The following OR2L13 variants were observed in gnomAD, a reference collection of about 807,000 sequenced individuals.
The protein encoded by OR2L13 is olfactory receptor 2L13.
OR2L13 carries 14 observed loss-of-function variants against 15.3 expected under a neutral mutation model. The observed-to-expected ratio is 0.91, with a 90% CI of 0.60 to 1.43. The LOEUF is 1.43. Ranked by LOEUF, OR2L13 falls within the 40% of genes most tolerant of loss-of-function variation. The probability of loss-of-function intolerance (pLI) is 0.00; values close to 1 mark genes in which losing one functional copy is unlikely to be tolerated. For synonymous variants in OR2L13, 152 were observed against 142.9 expected (o/e 1.06, Z -0.45); for missense variants, 367 against 387.9 (o/e 0.95, Z 0.45).
chr1:247,994,662 A>T, the OR2L13 span, among the ~76,000 whole-genome samples: 1 of 152,172 alleles, frequency 6.6e-6, no homozygotes, highest in Admixed American at 6.5e-5. Flanking sequence ...GTTATGTAGG[A>T]TGAGTAAGTC....
At chr1:248,025,330 C>G in the OR2L13 span, among the ~76,000 whole-genome samples, 2 of 146,942 alleles carry the variant, frequency 1.4e-5, no homozygotes, top group Admixed American at 1.3e-4. Flanking sequence ...TTTATGCAGC[C>G]AAAAAACACA....
At chr1:247,967,062 C>CACACACACACACACACACAA in the OR2L13 span, among the ~76,000 whole-genome samples, 1 of 151,982 alleles carries the variant, frequency 6.6e-6, no homozygotes, top group East Asian at 1.9e-4. Context: ...CACACACACA[C>CACACACACACACACACACAA]ACACGAGGTG....
chr1:248,076,755 G>T, the OR2L13 span, among the ~76,000 whole-genome samples: 1 of 152,064 alleles, frequency 6.6e-6, no homozygotes, highest in East Asian at 1.9e-4. Flanking sequence ...GAGATGATGG[G>T]GTTTACTAAA....
the OR2L13 span, among the ~76,000 whole-genome samples, chr1:247,963,425 G>A: frequency 1.3e-5 from 2 of 152,102 alleles, no homozygotes; most frequent in Non-Finnish European, 2.9e-5. Context: ...GATGGTTTTG[G>A]TAGGTTTCAG....
the OR2L13 span, among the ~76,000 whole-genome samples, chr1:247,968,963 A>G: frequency 1.1e-4 from 17 of 152,202 alleles, no homozygotes; most frequent in Admixed American, 1.1e-3. Flanking sequence ...TTCCATCAAC[A>G]GTGTAAAAGT....
the OR2L13 span, chr1:248,051,352 A>G: frequency 6.6e-6 from 1 of 152,232 alleles, no homozygotes; most frequent in South Asian, 2.1e-4. Context: ...CTTCGCTTTT[A>G]AAAATTGTAT....
At chr1:248,075,593 C>G in the OR2L13 span, among the ~76,000 whole-genome samples, 1 of 152,216 alleles carries the variant, frequency 6.6e-6, no homozygotes, top group East Asian at 1.9e-4. Context: ...TTGCATTTCT[C>G]TGATGACCAG....
the OR2L13 span, among the ~76,000 whole-genome samples, chr1:248,070,822 C>G: frequency 7.9e-5 from 12 of 151,914 alleles, 1 homozygote; most frequent in South Asian, 2.5e-3. Context: ...GAAATACAAA[C>G]TATCATCAGA....
At chr1:248,031,637 T>G in the OR2L13 span, among the ~76,000 whole-genome samples, 1 of 152,190 alleles carries the variant, frequency 6.6e-6, no homozygotes, top group Admixed American at 6.5e-5. Context: ...TGAGGCAATC[T>G]CCTAGTGGGA....
chr1:248,022,627 T>C, the OR2L13 span: 1 of 1,614,174 alleles, frequency 6.2e-7, no homozygotes, highest in Non-Finnish European at 8.5e-7. Context: ...GTCTACCGCA[T>C]GCACTCTGCA....
the OR2L13 span, among the ~76,000 whole-genome samples, chr1:248,036,108 A>G: frequency 2.0e-5 from 3 of 152,186 alleles, no homozygotes; most frequent in Non-Finnish European, 4.4e-5. Flanking sequence ...GGTGGCTAAT[A>G]TATTCCAGTT....
At chr1:248,076,254 G>T in the OR2L13 span, among the ~76,000 whole-genome samples, 59 of 151,676 alleles carry the variant, frequency 3.9e-4, no homozygotes, top group Non-Finnish European at 2.4e-4. Flanking sequence ...CTGTAGCTTT[G>T]TAGTATAATT....
At chr1:248,067,710 G>T in the OR2L13 span, among the ~76,000 whole-genome samples, 1 of 152,232 alleles carries the variant, frequency 6.6e-6, no homozygotes, top group African/African-American at 2.4e-5. Flanking sequence ...CACTCAGGAA[G>T]CACAAGGGGT....
the OR2L13 span, among the ~76,000 whole-genome samples, chr1:248,057,234 G>C: frequency 6.6e-6 from 1 of 152,096 alleles, no homozygotes; most frequent in African/African-American, 2.4e-5. Context: ...TGACGGTGGG[G>C]TATTAAAGTC....
At chr1:247,956,756 C>G in the OR2L13 span, among the ~76,000 whole-genome samples, 121,356 of 151,884 alleles carry the variant, frequency 0.8, 52,649 homozygotes, top group South Asian at 0.95. Context: ...GTCTGTTATT[C>G]GTGTAGAAGA....
chr1:248,030,510 T>C, the OR2L13 span, among the ~76,000 whole-genome samples: 4 of 152,192 alleles, frequency 2.6e-5, no homozygotes, highest in African/African-American at 4.8e-5. Flanking sequence ...TAGACTATGC[T>C]TTCATGGGCT....
chr1:248,060,622 G>A, the OR2L13 span: 30 of 1,396,802 alleles, frequency 2.1e-5, no homozygotes, highest in South Asian at 2.0e-4. Flanking sequence ...AGATAAAGAC[G>A]AATTTCTGTG....
At chr1:247,973,493 CAGAG>C in the OR2L13 span, among the ~76,000 whole-genome samples, 13 of 151,820 alleles carry the variant, frequency 8.6e-5, no homozygotes, top group South Asian at 2.1e-4. Context: ...AATAGACAGA[CAGAG>C]AGCCAAATCA....
chr1:248,008,116 G>T, the OR2L13 span, among the ~76,000 whole-genome samples: 1 of 152,044 alleles, frequency 6.6e-6, no homozygotes, highest in Non-Finnish European at 1.5e-5. Flanking sequence ...TACTTTTCTG[G>T]TACCCTCCCT....
Sources: allele counts gnomAD v4.1 joint callset (sites outside exome capture counted in the v4.1 genomes callset), GRCh38; gene constraint gnomAD v4.1.1; transcripts MANE v1.5; gene names NCBI Gene and HGNC (gene_info 2026-07-23, HGNC 2026-07-21).